PHC3: variants seen among roughly 807,000 people sequenced by gnomAD.
PHC3 encodes polyhomeotic-like protein 3.
Under a neutral mutation model 107.4 loss-of-function variants are expected in PHC3, and 13 were observed. That is an observed-to-expected ratio of 0.12 (90% confidence interval 0.08 to 0.19). The LOEUF is 0.19. Among genes scored for constraint, PHC3 ranks in the 10% least tolerant of loss-of-function variants. The probability of loss-of-function intolerance (pLI) is 1.00; values close to 1 mark genes in which losing one functional copy is unlikely to be tolerated. For synonymous variants in PHC3, 456 were observed against 427.4 expected, an observed-to-expected ratio of 1.07 and a Z score of -0.83; for missense variants, 992 against 1,210.9, an observed-to-expected ratio of 0.82 and a Z score of 2.68.
At chr3:170,116,741 C>T (rs1173456238) in intron 10 of PHC3, among the ~76,000 whole-genome samples, 1 of 151,750 alleles carries the variant, frequency 6.6e-6, no homozygotes, top group Non-Finnish European at 1.5e-5. Context: ...AAGACCTTGT[C>T]TCTACAAAAA....
intron 4 of PHC3, among the ~76,000 whole-genome samples, chr3:170,164,623 A>G (rs1435962917): frequency 6.6e-6 from 1 of 152,172 alleles, no homozygotes; most frequent in Non-Finnish European, 1.5e-5. Flanking sequence ...AAGGTAAAGG[A>G]AAAAATACAT....
chr3:170,165,753 CAAAAAAAAAAAAA>C (rs1201987701), intron 4 of PHC3, among the ~76,000 whole-genome samples: 2 of 41,074 alleles, frequency 4.9e-5, no homozygotes, highest in African/African-American at 9.0e-5. Context: ...GACCTTGTCT[CAAAAAAAAAAAAA>C]AAAAAAAAAA....
Position 170,088,719 on chromosome 3 carries a change from G to T in PHC3, c.*8511C>A, listed in dbSNP as rs1713754311. On this transcript the variant is annotated 3_prime_UTR_variant, in exon 15 of 15. Coordinates refer to ENST00000495893, the MANE Select transcript of PHC3 (RefSeq NM_024947.4). The stretch of plus-strand genomic sequence containing the variant: ...TTACACTTTAAAAATTAAAACACTT[G>T]AAAAGTATTTTTTAAACCAGTACCA... 1 of 152,144 alleles carries T rather than the reference G, an allele frequency of 6.6e-6. No individual in the cohort carries two copies. The highest frequency in any genetic ancestry group is 6.5e-5 in the Admixed American group (1 of 15,278). The allele number at this position is 152,144 out of a possible 1,614,324, so 9.4% of individuals were successfully genotyped here. A position where few individuals can be genotyped will look rare whatever the true frequency, so the allele number is the denominator to read the frequency against.
At chr3:170,108,236 T>C (rs368003112) in intron 11 of PHC3, among the ~76,000 whole-genome samples, 1 of 152,078 alleles carries the variant, frequency 6.6e-6, no homozygotes, top group African/African-American at 2.4e-5. Context: ...GTGTGCTCTT[T>C]CTATGTTACT....
chr3:170,124,945 T>A (rs1268971411), intron 8 of PHC3, among the ~76,000 whole-genome samples: 1 of 152,164 alleles, frequency 6.6e-6, no homozygotes, highest in Non-Finnish European at 1.5e-5. Context: ...TTTCCAAGGC[T>A]CCACTAAGAA....
chr3:170,163,461 AGTGTGTGTGTGTGTGTGT>A lies in PHC3; in HGVS notation c.414+7894_414+7911del, dbSNP rs56986650. Among the ~76,000 whole-genome samples, 110 of 146,314 alleles carry A rather than the reference AGTGTGTGTGTGTGTGTGT, an allele frequency of 7.5e-4. 1 individual carries two copies. Among genetic ancestry groups the A allele is most frequent in the East Asian group, 5.2e-3 (26 of 4,980 alleles). On this transcript the variant is annotated intron_variant, in intron 4 of 14. Coordinates refer to ENST00000495893, the MANE Select transcript of PHC3 (RefSeq NM_024947.4). ...GAAAATTCCCAAATATTTAGTAAAG[AGTGTGTGTGTGTGTGTGT>A]GTGTGTGTGTGTGTGTGTGTGTGTG...
intron 14 of PHC3, among the ~76,000 whole-genome samples, chr3:170,098,169 T>C (rs1303688761): frequency 1.3e-5 from 2 of 152,130 alleles, no homozygotes; most frequent in Admixed American, 1.3e-4. Flanking sequence ...AACTCAAATG[T>C]TTTTACTGTC....
chr3:170,144,578 G>A (rs1310627694), intron 6 of PHC3, among the ~76,000 whole-genome samples: 1 of 152,114 alleles, frequency 6.6e-6, no homozygotes, highest in African/African-American at 2.4e-5. Context: ...ACATGTGGCT[G>A]TACCATTTTA....
At chr3:170,110,802 A>G (rs1450451271) in intron 11 of PHC3, among the ~76,000 whole-genome samples, 1 of 152,224 alleles carries the variant, frequency 6.6e-6, no homozygotes, top group Non-Finnish European at 1.5e-5. Flanking sequence ...TATATGTTGT[A>G]AAGTTTCCTA....
intron 5 of PHC3, chr3:170,148,037 G>A (rs1560095683): frequency 6.6e-6 from 1 of 152,176 alleles, no homozygotes; most frequent in Non-Finnish European, 1.5e-5. Context: ...TCTGGGAGGT[G>A]AGGCAGGTGG....
chr3:170,117,589 A>C (rs1719278838), intron 9 of PHC3, 113 bp from the exon 10 acceptor site: 3 of 1,098,798 alleles, frequency 2.7e-6, no homozygotes, highest in Admixed American at 5.6e-5. Context: ...TACTTTCAAA[A>C]ACTGTTCTAA....
At chr3:170,150,403 A>G (rs571175447) in intron 4 of PHC3, among the ~76,000 whole-genome samples, 23 of 152,174 alleles carry the variant, frequency 1.5e-4, no homozygotes, top group African/African-American at 5.5e-4. Context: ...AGAATAAACT[A>G]GAGCATTGTT....
intron 2 of PHC3, among the ~76,000 whole-genome samples, chr3:170,175,695 C>T (rs377046458): frequency 5.3e-5 from 8 of 151,632 alleles, no homozygotes; most frequent in East Asian, 3.9e-4. Flanking sequence ...GAGGCCGAGG[C>T]GGGCGGATTA....
intron 12 of PHC3, among the ~76,000 whole-genome samples, chr3:170,103,232 G>A (rs975226266): frequency 6.6e-5 from 10 of 151,972 alleles, no homozygotes; most frequent in Non-Finnish European, 1.5e-4. Flanking sequence ...AAAATACAGA[G>A]GATAACCAAT....
chr3:170,175,824 T>A (rs756174830), intron 2 of PHC3, among the ~76,000 whole-genome samples: 8 of 150,882 alleles, frequency 5.3e-5, no homozygotes, highest in Middle Eastern at 3.4e-3. Flanking sequence ...CTCAGGAGGC[T>A]GAGGCAGGAG....
chr3:170,144,030 G>A (rs1263542980), intron 6 of PHC3, among the ~76,000 whole-genome samples: 1 of 151,972 alleles, frequency 6.6e-6, no homozygotes, highest in East Asian at 1.9e-4. Context: ...GTATTCCACT[G>A]TAAGAATATA....
At chr3:170,139,106 T>G (rs1723620856) in intron 6 of PHC3, among the ~76,000 whole-genome samples, 1 of 152,210 alleles carries the variant, frequency 6.6e-6, no homozygotes, top group Non-Finnish European at 1.5e-5. Flanking sequence ...AATATCTAAC[T>G]TGTTTTAGAA....
At chr3:170,160,358 G>A (rs1173074703) in intron 4 of PHC3, among the ~76,000 whole-genome samples, 1 of 152,134 alleles carries the variant, frequency 6.6e-6, no homozygotes, top group African/African-American at 2.4e-5. Flanking sequence ...CACTTGATTA[G>A]TACTATTATA....
At chr3:170,135,139 T>G (rs192412493) in intron 7 of PHC3, among the ~76,000 whole-genome samples, 27 of 151,998 alleles carry the variant, frequency 1.8e-4, no homozygotes, top group Non-Finnish European at 8.8e-5. Context: ...AAAGGAAGTT[T>G]TTTGTTTGTT....
Sources: allele counts gnomAD v4.1 joint callset (sites outside exome capture counted in the v4.1 genomes callset), GRCh38; gene constraint gnomAD v4.1.1; transcripts MANE v1.5; gene names NCBI Gene and HGNC (gene_info 2026-07-23, HGNC 2026-07-21).